DST: variants seen among roughly 807,000 people sequenced by gnomAD.
DST encodes dystonin, also known as bullous pemphigoid antigen.
DST carries 253 observed loss-of-function variants against 875.2 expected under a neutral mutation model. The observed-to-expected ratio is 0.29, with a 90% CI of 0.26 to 0.32. The LOEUF is 0.32. Among genes scored for constraint, DST ranks in the 10% least tolerant of loss-of-function variants. The pLI is 1.00. For missense variants in DST, 8,287 were observed against 9,111.6 expected (o/e 0.91, Z 3.68); for synonymous variants, 3,124 against 3,197.1 (o/e 0.98, Z 0.77).
chr6:56,664,616 C>A (rs1320200925), intron 10 of DST, among the ~76,000 whole-genome samples: 1 of 152,146 alleles, frequency 6.6e-6, no homozygotes, highest in Non-Finnish European at 1.5e-5. Flanking sequence ...AATCTCCTTA[C>A]ACACCAGATG....
At chr6:56,723,553 A>C (rs530179335) in intron 5 of DST, among the ~76,000 whole-genome samples, 7 of 152,126 alleles carry the variant, frequency 4.6e-5, no homozygotes, top group African/African-American at 1.7e-4. Context: ...AAAAAGAGCC[A>C]AACTCTGTTT....
intron 4 of DST, among the ~76,000 whole-genome samples, chr6:56,752,854 C>T (rs913385438): frequency 1.3e-5 from 2 of 151,964 alleles, no homozygotes; most frequent in Admixed American, 6.6e-5. Flanking sequence ...GGCAATGGCA[C>T]GATCTCAGCT....
At position 56,605,711 on chromosome 6, in the gene DST, T is replaced by C; in HGVS notation, c.8917A>G (p.Thr2973Ala). 1 of 1,612,914 alleles carries C rather than the reference T, an allele frequency of 6.2e-7. No individual in the cohort carries two copies. Among genetic ancestry groups the C allele is most frequent in the Non-Finnish European group, 8.5e-7 (1 of 1,179,342 alleles). ...LIQGSELPEL[T>A]DSVKGKDEYF... The stretch of plus-strand genomic sequence containing the variant: ...TCATCTTTACCTTTCACAGAATCAG[T>C]CAATTCTGGCAATTCTGACCCTTGA... The change falls in exon 40 of 104, where the codon ACT (threonine) becomes GCT (alanine). Residue 2973 changes from threonine (T) to alanine (A), a missense_variant. Coordinates refer to ENST00000680361, the MANE Select transcript of DST (RefSeq NM_001374736.1).
chr6:56,591,944 T>C (rs1168170385), intron 49 of DST, among the ~76,000 whole-genome samples: 1 of 126,822 alleles, frequency 7.9e-6, no homozygotes, highest in East Asian at 2.3e-4. Flanking sequence ...ATCACACTAC[T>C]GCACTCCAGC....
intron 4 of DST, among the ~76,000 whole-genome samples, chr6:56,803,198 G>A (rs1038547795): frequency 6.6e-6 from 1 of 152,116 alleles, no homozygotes; most frequent in African/African-American, 2.4e-5. Context: ...AAAACCCTGT[G>A]CTCCTAAAAT....
At chr6:56,903,703 C>T (rs947347362) in intron 2 of DST, among the ~76,000 whole-genome samples, 16 of 152,118 alleles carry the variant, frequency 1.1e-4, no homozygotes, top group East Asian at 5.8e-4. Context: ...CATGATCTGC[C>T]CAGCTCAGCT....
intron 94 of DST, chr6:56,471,802 G>T: frequency 2.0e-6 from 1 of 508,858 alleles, no homozygotes; most frequent in Non-Finnish European, 3.5e-6. Flanking sequence ...TATTCTTAAG[G>T]AATCAGCTTC....
At chr6:56,579,504 G>A (rs990389602) in intron 49 of DST, among the ~76,000 whole-genome samples, 4 of 152,048 alleles carry the variant, frequency 2.6e-5, no homozygotes, top group Admixed American at 6.5e-5. Flanking sequence ...TTTATGGTTC[G>A]AGGCAGGAAG....
At position 56,636,451 on chromosome 6, in the gene DST, T is replaced by TAC. The variant is rs1238431466; in HGVS notation, c.3060+104_3060+105dup. The TAC allele has an allele frequency of 6.0e-5, 50 of 836,100 alleles. No homozygotes were observed. The African/African-American group carries it at 7.5e-4, about 13-fold the overall frequency. The allele number at this position is 836,100 out of a possible 1,614,324, so 51.8% of individuals were successfully genotyped here. ...GTATATATATATGTGTGTATATATA[T>TAC]ACACAGAAACACATTGTTATCCTAA... On this transcript the variant is annotated intron_variant, in intron 23 of 103. Coordinates refer to ENST00000680361, the MANE Select transcript of DST (RefSeq NM_001374736.1).
chr6:56,743,137 T>C (rs917282687), intron 4 of DST, among the ~76,000 whole-genome samples: 1 of 152,086 alleles, frequency 6.6e-6, no homozygotes, highest in Admixed American at 6.5e-5. Flanking sequence ...AAATGAATAA[T>C]GAAAAGTCAA....
In DST at chr6:56,464,703, T is replaced by C. The variant is rs988645754; in HGVS notation, c.22741A>G (p.Thr7581Ala). 6.3e-7 allele frequency: 1 copy of C among 1,599,658 alleles called. No homozygotes were observed. The highest frequency in any genetic ancestry group is 8.5e-7 in the Non-Finnish European group (1 of 1,173,104). Residue 7581 changes from threonine to alanine, a missense_variant, in exon 100 of 104, where the codon ACT becomes GCT. Coordinates refer to ENST00000680361, the MANE Select transcript of DST (RefSeq NM_001374736.1). The stretch of plus-strand genomic sequence containing the variant: ...TGCCAACCTATAGTAGGCTGAGTAG[T>C]AGTAATTGAAGAGTTTGATTCCGAA... ...LRSESNSSITTTQPTIAKGRT... is the reference protein window; with the variant it reads ...LRSESNSSITATQPTIAKGRT...
intron 38 of DST, 143 bp from the exon 39 acceptor site, chr6:56,610,705 T>C (rs2098537398): frequency 3.3e-6 from 2 of 611,272 alleles, no homozygotes; most frequent in Non-Finnish European, 5.3e-6. Flanking sequence ...TATGACTGTA[T>C]ATGAAAATTA....
At chr6:56,676,302 A>C (rs1372567311) in intron 9 of DST, among the ~76,000 whole-genome samples, 1 of 152,218 alleles carries the variant, frequency 6.6e-6, no homozygotes, top group Admixed American at 6.5e-5. Context: ...TCCTGACCTC[A>C]GGTGATCTAC....
intron 69 of DST, among the ~76,000 whole-genome samples, chr6:56,521,045 C>T (rs1222911674): frequency 1.3e-5 from 2 of 152,036 alleles, no homozygotes; most frequent in Non-Finnish European, 2.9e-5. Context: ...TATTTAATTT[C>T]AAATGAAGTT....
rs917136499 is a variant in DST, at chr6:56,762,471, T to G, written c.626-27182A>C. ...AGAGTCCAGCCCCAGTGTTGCTATC[T>G]GGAAATTGGGAATGGCTGCCCGCAC... is the stretch of plus-strand genomic sequence containing the variant. On this transcript the variant is annotated intron_variant, in intron 4 of 103. Transcript: ENST00000680361. 5.3e-5 allele frequency among the ~76,000 whole-genome samples: 8 copies of G among 152,216 alleles called. 1 individual carries two copies.
At chr6:56,504,128 A>C in intron 77 of DST, 30 bp from the exon 78 acceptor site, 1 of 1,457,856 alleles carries the variant, frequency 6.9e-7, no homozygotes, top group Non-Finnish European at 9.5e-7. Flanking sequence ...ACGTGTTGTT[A>C]CAACAGTACA....
intron 90 of DST, among the ~76,000 whole-genome samples, chr6:56,478,054 A>G (rs2095269905): frequency 7.4e-6 from 1 of 134,508 alleles, no homozygotes. Flanking sequence ...AAACTGTATT[A>G]TACAAAAAAA....
chr6:56,482,364 TA>T (rs57229740), intron 89 of DST, 186 bp from the exon 90 acceptor site: 748 of 700,644 alleles, frequency 1.1e-3, no homozygotes, highest in South Asian at 1.8e-3. Flanking sequence ...CTTAATATAT[TA>T]AAAAAAAAGC....
At chr6:56,618,288 G>A (rs79687887) in intron 36 of DST, 1 of 1,614,084 alleles carries the variant, frequency 6.2e-7, no homozygotes, top group African/African-American at 1.3e-5. Flanking sequence ...TGTGGTTCTT[G>A]AGTCCATCTC....
Sources: allele counts gnomAD v4.1 joint callset (sites outside exome capture counted in the v4.1 genomes callset), GRCh38; gene constraint gnomAD v4.1.1; transcripts MANE v1.5; gene names NCBI Gene and HGNC (gene_info 2026-07-23, HGNC 2026-07-21).